EPS8: variants seen among roughly 807,000 people sequenced by gnomAD.
The protein encoded by EPS8 is epidermal growth factor receptor kinase substrate 8.
EPS8 carries 42 observed loss-of-function variants against 103.8 expected under a neutral mutation model. The observed-to-expected ratio is 0.40, with a 90% CI of 0.32 to 0.52. The LOEUF is 0.52. Among genes scored for constraint, EPS8 ranks in the 20% least tolerant of loss-of-function variants. EPS8 has a pLI of 0.40. For synonymous variants in EPS8, 344 were observed against 344.6 expected, an observed-to-expected ratio of 1.00 and a Z score of 0.02; for missense variants, 969 against 1,005.1, an observed-to-expected ratio of 0.96 and a Z score of 0.49.
chr12:15,620,604 C>T lies in EPS8; in HGVS notation c.*713G>A, dbSNP rs181043196. On this transcript the variant is annotated 3_prime_UTR_variant, in exon 21 of 21. Coordinates refer to ENST00000281172, the MANE Select transcript of EPS8 (RefSeq NM_004447.6). ...GATTTTGAGAAGACATGACCTCTTT[C>T]GCATTTGTGCTTTCTCATATATAAG... 1.3e-5 allele frequency: 2 copies of T among 152,666 alleles called. No homozygotes were observed. The highest frequency in any genetic ancestry group is 1.9e-4 in the East Asian group (1 of 5,176). 9.5% of individuals were successfully genotyped at this position (152,666 alleles called of 1,614,324 possible). A position where few individuals can be genotyped will look rare whatever the true frequency, so the allele number is the denominator to read the frequency against.
chr12:15,785,140 GA>G lies in EPS8; in HGVS notation c.-22+4020del. Among the ~76,000 whole-genome samples the G allele has an allele frequency of 6.6e-6, 1 of 152,212 alleles. No individual in the cohort carries two copies. The highest frequency in any genetic ancestry group is 1.9e-4 in the East Asian group (1 of 5,188). On this transcript the variant is annotated intron_variant, in intron 1 of 20. Coordinates refer to ENST00000281172, the MANE Select transcript of EPS8 (RefSeq NM_004447.6). This position sits in a 1 kb window ranked among gnomAD's most constrained non-coding sequence, Gnocchi z 4.9. ...TAAGCAAATCATTTAGAAGGTCAAG[GA>G]ATCCCAAGGTGGAATGCAGATTGTA...
At chr12:15,773,871 T>C (rs1947180417) in intron 1 of EPS8, among the ~76,000 whole-genome samples, 1 of 152,196 alleles carries the variant, frequency 6.6e-6, no homozygotes. Flanking sequence ...TAATTCTCTC[T>C]CATTTTTGCA....
At chr12:15,741,258 A>T (rs1946818720) in intron 1 of EPS8, among the ~76,000 whole-genome samples, 1 of 152,182 alleles carries the variant, frequency 6.6e-6, no homozygotes, top group African/African-American at 2.4e-5. Context: ...TTGGCTTAGC[A>T]CTGTGACTCA....
chr12:15,710,858 C>G (rs1946453380), intron 1 of EPS8, among the ~76,000 whole-genome samples: 1 of 151,976 alleles, frequency 6.6e-6, no homozygotes, highest in African/African-American at 2.4e-5. Flanking sequence ...AATTCAACTA[C>G]ACTATTATTT....
At position 15,777,298 on chromosome 12, in the gene EPS8, A is replaced by C. The variant is rs1947217041; in HGVS notation, c.-22+11863T>G. ...AAAAAAACACACACACACACACAAA[A>C]CAAAACAAAAAACCAACAGCATATG... is the stretch of plus-strand genomic sequence containing the variant. On this transcript the variant is annotated intron_variant, in intron 1 of 20. Transcript: ENST00000281172. This position sits in a 1 kb window ranked among gnomAD's most constrained non-coding sequence, Gnocchi z 4.7. 6.6e-6 allele frequency among the ~76,000 whole-genome samples: 1 copy of C among 152,040 alleles called. No individual in the cohort carries two copies. Among genetic ancestry groups the C allele is most frequent in the Non-Finnish European group, 1.5e-5 (1 of 67,982 alleles).
In EPS8 at chr12:15,747,118, C is replaced by G. The variant is rs1251563903; in HGVS notation, c.-22+42043G>C. Reference sequence around the variant, plus strand: ...AACCAGAACTACAAAGTAAAATTATCTCAATGCATAAAGCCAACCTAGTAA... The same window carrying G: ...AACCAGAACTACAAAGTAAAATTATGTCAATGCATAAAGCCAACCTAGTAA... On this transcript the variant is annotated intron_variant, in intron 1 of 20. Transcript: ENST00000281172. This position sits in a 1 kb window ranked among gnomAD's most constrained non-coding sequence, Gnocchi z 4.4. Among the ~76,000 whole-genome samples, 2 of 152,178 alleles carry G rather than the reference C, an allele frequency of 1.3e-5. No homozygotes were observed. The highest frequency in any genetic ancestry group is 2.9e-5 in the Non-Finnish European group (2 of 68,032).
chr12:15,766,043 T>A (rs1947091608), intron 1 of EPS8, among the ~76,000 whole-genome samples: 1 of 151,106 alleles, frequency 6.6e-6, no homozygotes, highest in Non-Finnish European at 1.5e-5. Flanking sequence ...CTCAAACTCC[T>A]GACCTGATGA....
intron 1 of EPS8, among the ~76,000 whole-genome samples, chr12:15,763,062 T>C (rs1443632910): frequency 6.6e-6 from 1 of 152,124 alleles, no homozygotes; most frequent in Non-Finnish European, 1.5e-5. Flanking sequence ...CATATACACC[T>C]TTTATATACC....
At position 15,631,561 on chromosome 12, in the gene EPS8, G is replaced by A. The variant is rs1945046584; in HGVS notation, c.1925C>T (p.Pro642Leu). 6.2e-7 allele frequency: 1 copy of A among 1,613,894 alleles called. No homozygotes were observed. Among genetic ancestry groups the A allele is most frequent in the Non-Finnish European group, 8.5e-7 (1 of 1,179,936 alleles). The change falls in exon 18 of 21, where the codon CCA (proline) becomes CTA (leucine). Residue 642 changes from proline to leucine, a missense_variant. By Grantham distance (98) the Pro-to-Leu change is moderately conservative. Transcript: ENST00000281172. ...PVPVPLPPST[P>L]APVPVSKVPA... ...GACCTTTGACACAGGAACAGGTGCT[G>A]GAGTGGAAGGGGGAAGGGGAACAGG...
At chr12:15,630,733 G>A (rs993203982) in intron 18 of EPS8, among the ~76,000 whole-genome samples, 5 of 152,164 alleles carry the variant, frequency 3.3e-5, no homozygotes, top group Non-Finnish European at 7.4e-5. Flanking sequence ...TGATGATGGC[G>A]ACAGCAGGAT....
chr12:15,639,500 T>C (rs955740604), intron 17 of EPS8, among the ~76,000 whole-genome samples: 1 of 152,106 alleles, frequency 6.6e-6, no homozygotes, highest in Non-Finnish European at 1.5e-5. Context: ...GTACATAATA[T>C]ATATATGCAC....
chr12:15,737,211 C>A (rs959897249), intron 1 of EPS8, among the ~76,000 whole-genome samples: 13 of 152,006 alleles, frequency 8.6e-5, no homozygotes, highest in African/African-American at 3.1e-4. Context: ...TATTTGGTGC[C>A]GTAATAGAGG....
intron 1 of EPS8, among the ~76,000 whole-genome samples, chr12:15,715,741 G>A (rs1238865172): frequency 6.6e-6 from 1 of 151,852 alleles, no homozygotes; most frequent in Admixed American, 6.5e-5. Flanking sequence ...TGCTGGCCTC[G>A]GCCTCCCAAA....
At position 15,654,300 on chromosome 12, in the gene EPS8, T is replaced by A. The variant is rs371759176; in HGVS notation, c.1102-7A>T. On this transcript the variant is annotated splice_region_variant and splice_polypyrimidine_tract_variant and intron_variant, in intron 12 of 20. Transcript: ENST00000281172. ...CTCCTGTTGCCTGCACCACCTAAGA[T>A]AATAAACCATTTTTTAGCAAGAAGA... 5.6e-6 allele frequency: 9 copies of A among 1,610,982 alleles called. No individual in the cohort carries two copies. The highest frequency in any genetic ancestry group is 7.6e-6 in the Non-Finnish European group (9 of 1,178,908).
intron 10 of EPS8, among the ~76,000 whole-genome samples, 171 bp downstream of exon 10, chr12:15,660,443 T>C (rs2135814687): frequency 6.6e-6 from 1 of 152,104 alleles, no homozygotes; most frequent in East Asian, 1.9e-4. Flanking sequence ...TTTGTATTTT[T>C]AGTAGAGACG....
At chr12:15,758,054 T>C (rs1417498436) in intron 1 of EPS8, among the ~76,000 whole-genome samples, 1 of 152,162 alleles carries the variant, frequency 6.6e-6, no homozygotes, top group African/African-American at 2.4e-5. Flanking sequence ...CTAGGCTTCC[T>C]CACAGTGTGA....
At position 15,762,365 on chromosome 12, in the gene EPS8, G is replaced by C. The variant is rs560331115; in HGVS notation, c.-22+26796C>G. On this transcript the variant is annotated intron_variant, in intron 1 of 20. Coordinates refer to ENST00000281172, the MANE Select transcript of EPS8 (RefSeq NM_004447.6). The surrounding 1 kb of genome is among the most constrained non-coding windows in gnomAD (Gnocchi z 4.8). ...TGTAAATTACTGCAACCGCTATGCA[G>C]AACAGTTTGGCGGTGCCTCAAAAAA... Among the ~76,000 whole-genome samples, 24 of 152,310 alleles carry C rather than the reference G, an allele frequency of 1.6e-4. No homozygotes were observed. Among genetic ancestry groups the C allele is most frequent in the African/African-American group, 5.5e-4 (23 of 41,566 alleles).
In EPS8 at chr12:15,749,430, AC is replaced by A. The variant is rs1381129263; in HGVS notation, c.-22+39730del. Among the ~76,000 whole-genome samples, 1 of 152,202 alleles carries A rather than the reference AC, an allele frequency of 6.6e-6. No homozygotes were observed. On this transcript the variant is annotated intron_variant, in intron 1 of 20. Transcript: ENST00000281172. The surrounding 1 kb of genome is among the most constrained non-coding windows in gnomAD (Gnocchi z 4.0). ...CTCAAATGCTAAGCAAAGGGCCTGCACATAATAGAGCTCAATAATCATTTGC... is the reference window on the plus strand; with the variant it reads ...CTCAAATGCTAAGCAAAGGGCCTGCAATAATAGAGCTCAATAATCATTTGC...
chr12:15,641,578 C>A (rs1945231098), intron 16 of EPS8, 144 bp downstream of exon 16: 1 of 425,646 alleles, frequency 2.3e-6, no homozygotes. Context: ...TATCTATATA[C>A]CCCTACTAAA....
Sources: gnomAD v4.1 joint callset for allele counts (sites outside exome capture counted in the v4.1 genomes callset) on GRCh38, gnomAD v4.1.1 for gene constraint, Gnocchi (gnomAD v3.1) non-coding constraint, MANE v1.5 for transcripts, NCBI Gene and HGNC (gene_info 2026-07-23, HGNC 2026-07-21) for gene names.